Variants in CTTNBP2 observed in about 807,000 individuals in gnomAD.
CTTNBP2 encodes cortactin binding protein 2, also known as cortactin-binding protein 2.
Under a neutral mutation model 156.9 loss-of-function variants are expected in CTTNBP2, and 108 were observed. That is an observed-to-expected ratio of 0.69 (90% CI 0.59 to 0.81). The LOEUF (loss-of-function observed/expected upper bound fraction) is 0.81, where lower values mean the gene tolerates loss of function less well. Among genes scored for constraint, CTTNBP2 ranks in the 30% least tolerant of loss-of-function variants. CTTNBP2 has a pLI of 0.00. For missense variants in CTTNBP2, 1,924 were observed against 2,035.4 expected (o/e 0.95, Z 1.05); for synonymous variants, 767 against 751.8 (o/e 1.02, Z -0.33).
In CTTNBP2 at chr7:117,746,199, C is replaced by T. The variant is rs369980867; in HGVS notation, c.3349-100G>A. 179 of 757,430 alleles carry T rather than the reference C, an allele frequency of 2.4e-4. 1 individual carries two copies. In the East Asian group the frequency reaches 3.4e-3, roughly 14 times the overall value. The allele number at this position is 757,430 out of a possible 1,614,324, so 46.9% of individuals were successfully genotyped here. A position where few individuals can be genotyped will look rare whatever the true frequency, so the allele number is the denominator to read the frequency against. ...GAATTCTTTTTTGATTGTCCTCATA[C>T]TTTCAAAAGATTAAAAACAATATTT... On this transcript the variant is annotated intron_variant, in intron 12 of 22. Coordinates refer to ENST00000160373, the MANE Select transcript of CTTNBP2 (RefSeq NM_033427.3).
intron 2 of CTTNBP2, among the ~76,000 whole-genome samples, chr7:117,856,887 G>T (rs952909488): frequency 1.3e-5 from 2 of 152,024 alleles, no homozygotes; most frequent in African/African-American, 4.8e-5. Context: ...GTCTCTCTTT[G>T]ACTAAGATAC....
intron 3 of CTTNBP2, among the ~76,000 whole-genome samples, chr7:117,798,891 A>G (rs1197047545): frequency 2.0e-5 from 3 of 152,024 alleles, no homozygotes; most frequent in Non-Finnish European, 4.4e-5. Context: ...ATCACTACAG[A>G]TTAAAGAAAT....
intron 19 of CTTNBP2, among the ~76,000 whole-genome samples, chr7:117,722,639 A>G (rs989267879): frequency 1.3e-5 from 2 of 152,110 alleles, no homozygotes; most frequent in African/African-American, 4.8e-5. Flanking sequence ...ATTCATATTC[A>G]TTTTGTTGAT....
intron 3 of CTTNBP2, among the ~76,000 whole-genome samples, chr7:117,800,246 T>C (rs1799537694): frequency 6.6e-6 from 1 of 152,072 alleles, no homozygotes; most frequent in South Asian, 2.1e-4. Flanking sequence ...AGGCTAACTA[T>C]TAAAACAATA....
intron 4 of CTTNBP2, among the ~76,000 whole-genome samples, chr7:117,785,226 T>C (rs1382978539): frequency 1.3e-5 from 2 of 152,050 alleles, no homozygotes; most frequent in African/African-American, 4.8e-5. Context: ...AAACAATGAG[T>C]TATAGTTAGA....
In CTTNBP2 at chr7:117,735,078, A is replaced by G; in HGVS notation, c.3711T>C (p.Tyr1237=). The change falls in exon 16 of 23, where the codon TAT becomes TAC. Residue 1237 remains tyrosine (Y), a synonymous_variant. Transcript: ENST00000160373. The part of the protein sequence containing the change: ...FQKGNGLSEC[Y]YFHENCFLMG... Reference sequence around the variant, plus strand: ...TCAGAAAGCAGTTCTCATGAAAGTAATAACATTCGGACAGTCCATTTCCTG... The same window carrying G: ...TCAGAAAGCAGTTCTCATGAAAGTAGTAACATTCGGACAGTCCATTTCCTG... 1 of 1,614,008 alleles carries G rather than the reference A, an allele frequency of 6.2e-7. No homozygotes were observed. Among genetic ancestry groups the G allele is most frequent in the East Asian group, 2.2e-5 (1 of 44,878 alleles).
chr7:117,718,012 A>C lies in CTTNBP2; in HGVS notation c.4746+6T>G, dbSNP rs1308912093. 6.4e-7 allele frequency: 1 copy of C among 1,560,880 alleles called. No individual in the cohort carries two copies. Among genetic ancestry groups the C allele is most frequent in the Non-Finnish European group, 8.8e-7 (1 of 1,131,586 alleles). On this transcript the variant is annotated splice_donor_region_variant and intron_variant, in intron 22 of 22. Coordinates refer to ENST00000160373, the MANE Select transcript of CTTNBP2 (RefSeq NM_033427.3). ...TTGTTCACTTTGGGGAGAAAGGGAC[A>C]CTTACCTTTTGTGACACTGGCATTC...
chr7:117,764,710 C>T (rs1431167167), intron 9 of CTTNBP2, among the ~76,000 whole-genome samples: 2 of 152,008 alleles, frequency 1.3e-5, no homozygotes, highest in African/African-American at 2.4e-5. Flanking sequence ...GAATTTTCTA[C>T]AGTTTATTCT....
chr7:117,725,215 A>C lies in CTTNBP2; in HGVS notation c.4098T>G (p.Val1366=). 1 of 1,614,102 alleles carries C rather than the reference A, an allele frequency of 6.2e-7. No individual in the cohort carries two copies. The highest frequency in any genetic ancestry group is 8.5e-7 in the Non-Finnish European group (1 of 1,180,016). ...AGGCTCTTGACAATATTGCTTCTTG[A>C]ACTCTGGGTGCGATGACGCCATTCC... is the stretch of plus-strand genomic sequence containing the variant. ...KLWNGVIAPR[V]QEAILSRASV... The change falls in exon 18 of 23, where the codon GTT becomes GTG. Residue 1366 remains valine, a synonymous_variant. Coordinates refer to ENST00000160373, the MANE Select transcript of CTTNBP2 (RefSeq NM_033427.3).
At chr7:117,732,943 T>G (rs957145371) in intron 16 of CTTNBP2, among the ~76,000 whole-genome samples, 3 of 152,198 alleles carry the variant, frequency 2.0e-5, no homozygotes, top group African/African-American at 7.2e-5. Context: ...TATAACTCTT[T>G]TATATTTTTT....
At chr7:117,804,913 G>A (rs1799842044) in intron 3 of CTTNBP2, among the ~76,000 whole-genome samples, 1 of 152,048 alleles carries the variant, frequency 6.6e-6, no homozygotes, top group Non-Finnish European at 1.5e-5. Context: ...CATGTGCCCT[G>A]GAACTTAAAA....
chr7:117,734,801 G>T, intron 16 of CTTNBP2, 112 bp downstream of exon 16: 1 of 742,356 alleles, frequency 1.3e-6, no homozygotes, highest in Non-Finnish European at 2.0e-6. Flanking sequence ...ATGTCAAAAA[G>T]CTGTACCTGC....
At chr7:117,843,660 T>G (rs542745824) in intron 2 of CTTNBP2, among the ~76,000 whole-genome samples, 32 of 152,152 alleles carry the variant, frequency 2.1e-4, no homozygotes, top group Non-Finnish European at 1.0e-4. Context: ...CTGAGCAAGA[T>G]GGTGGCCACT....
chr7:117,737,686 G>A (rs961118586), intron 14 of CTTNBP2, among the ~76,000 whole-genome samples: 2 of 152,066 alleles, frequency 1.3e-5, no homozygotes, highest in Admixed American at 6.5e-5. Context: ...TGATTTTCCC[G>A]CCTCAGCCTC....
chr7:117,717,911 G>T, intron 22 of CTTNBP2, 107 bp downstream of exon 22: 2 of 706,440 alleles, frequency 2.8e-6, no homozygotes, highest in Non-Finnish European at 5.0e-6. Flanking sequence ...TCAGTTCTTA[G>T]CTTTGGTTTA....
chr7:117,795,229 A>T (rs10258876), intron 3 of CTTNBP2, among the ~76,000 whole-genome samples: 43,722 of 151,980 alleles, frequency 0.29, 11,787 homozygotes, highest in African/African-American at 0.72. Context: ...TTCACGTGGG[A>T]GCCTTGCACA....
chr7:117,795,383 C>G (rs1181155621), intron 3 of CTTNBP2, among the ~76,000 whole-genome samples: 1 of 152,086 alleles, frequency 6.6e-6, no homozygotes, highest in Non-Finnish European at 1.5e-5. Context: ...AAAAAAAATT[C>G]TTACAGCAAT....
intron 7 of CTTNBP2, among the ~76,000 whole-genome samples, chr7:117,778,934 G>A (rs1248479290): frequency 6.6e-6 from 1 of 152,024 alleles, no homozygotes; most frequent in Non-Finnish European, 1.5e-5. Context: ...AAAAATAATA[G>A]GGTAGAAGAC....
At chr7:117,799,495 T>G (rs1424499030) in intron 3 of CTTNBP2, among the ~76,000 whole-genome samples, 1 of 151,228 alleles carries the variant, frequency 6.6e-6, no homozygotes, top group African/African-American at 2.4e-5. Flanking sequence ...AAGAATAGAA[T>G]GAAACCTCAA....
Sources: gnomAD v4.1 joint callset for allele counts (sites outside exome capture counted in the v4.1 genomes callset) on GRCh38, gnomAD v4.1.1 for gene constraint, MANE v1.5 for transcripts, NCBI Gene and HGNC (gene_info 2026-07-23, HGNC 2026-07-21) for gene names.